CDAN1: variants seen among roughly 807,000 people sequenced by gnomAD.
CDAN1 encodes codanin 1, also known as codanin-1.
Under a neutral mutation model 139.8 loss-of-function variants are expected in CDAN1, and 107 were observed. The ratio of observed to expected loss-of-function variants is 0.77; its 90% CI spans 0.65 to 0.90. The LOEUF is 0.90. Ranked by LOEUF, CDAN1 falls within the 40% of genes least tolerant of loss-of-function variation. The probability of loss-of-function intolerance (pLI) is 0.00; values close to 1 mark genes in which losing one functional copy is unlikely to be tolerated. For synonymous variants in CDAN1, 776 were observed against 660.6 expected, an observed-to-expected ratio of 1.17 and a Z score of -2.68; for missense variants, 1,667 against 1,575.7, an observed-to-expected ratio of 1.06 and a Z score of -0.98.
rs200401359 is a variant in CDAN1 at position 42,728,680 on chromosome 15, C to T, written c.2776G>A (p.Gly926Arg). The change falls in exon 20 of 28, where the codon GGG becomes AGG. Residue 926 changes from glycine (G) to arginine (R), a missense_variant. Physicochemically the swap from Gly to Arg is moderately radical, Grantham distance 125. This residue lies in a region of CDAN1 where 936 missense variants were observed against 844.1 expected (regional missense o/e 1.11). Transcript: ENST00000356231. ...EILCSQLCPH[G>R]AQALALGREF... ...CGCCCCAGGGCCAATGCCTGGGCCCCGTGAGGGCACAGCTGGGAACACAAG... is the reference window on the plus strand; with the variant it reads ...CGCCCCAGGGCCAATGCCTGGGCCCTGTGAGGGCACAGCTGGGAACACAAG... 319 of 1,614,174 alleles carry T rather than the reference C, an allele frequency of 2.0e-4. 1 individual carries two copies. The highest frequency in any genetic ancestry group is 1.6e-3 in the East Asian group (74 of 44,870).
Position 42,735,954 on chromosome 15 carries a change from C to G in CDAN1, c.694G>C (p.Asp232His), listed in dbSNP as rs1340507143. 1.9e-6 allele frequency: 3 copies of G among 1,614,152 alleles called. No individual in the cohort carries two copies. The East Asian group carries it at 6.7e-5, about 36-fold the overall frequency. The change falls in exon 3 of 28, where the codon GAC becomes CAC. Residue 232 changes from aspartate (D) to histidine (H), a missense_variant. Physicochemically the swap from Asp to His is moderately conservative, Grantham distance 81. Transcript: ENST00000356231. Reference protein sequence around the residue: ...CVPSSQPSALDTSPWGLGLPP... With the variant: ...CVPSSQPSALHTSPWGLGLPP... Reference sequence around the variant, plus strand: ...AGGCCAAGGCCCCAAGGGCTAGTGTCCAGGGCTGAGGGTTGGGAACTGGGG... The same window carrying G: ...AGGCCAAGGCCCCAAGGGCTAGTGTGCAGGGCTGAGGGTTGGGAACTGGGG...
At position 42,726,400 on chromosome 15, in the gene CDAN1, G is replaced by A. The variant is rs758940751; in HGVS notation, c.3114C>T (p.Ala1038=). 253 of 1,595,868 alleles carry A rather than the reference G, an allele frequency of 1.6e-4. No individual in the cohort carries two copies. Among genetic ancestry groups the A allele is most frequent in the East Asian group, 2.3e-4 (10 of 44,038 alleles). ...CCTCGTCAGGGTCCCGTGGCCCCAC[G>A]GCCAAGGAGAGCACGTCCTGTGAAG... ...ISEIKDVLSL[A]VGPRDPDEGV... is the part of the protein sequence containing the mutation. The change falls in exon 24 of 28, where the codon GCC becomes GCT. Residue 1038 remains alanine, a synonymous_variant. Transcript: ENST00000356231.
intron 17 of CDAN1, 90 bp from the exon 18 acceptor site, chr15:42,729,452 A>G (rs2061579794): frequency 6.2e-7 from 1 of 1,600,504 alleles, no homozygotes; most frequent in South Asian, 1.1e-5. Flanking sequence ...AGAGGCTCAG[A>G]TACCCAGGAA....
At chr15:42,726,039 C>T (rs2061522359) in intron 25 of CDAN1, 58 bp downstream of exon 25, 6 of 1,426,268 alleles carry the variant, frequency 4.2e-6, no homozygotes, top group Non-Finnish European at 5.9e-6. Flanking sequence ...TTGCTTGTAC[C>T]CAACCCTGAG....
chr15:42,733,243 G>T, intron 8 of CDAN1, 57 bp from the exon 9 acceptor site: 1 of 1,431,166 alleles, frequency 7.0e-7, no homozygotes. Context: ...GTGCCTTCCT[G>T]CCCCTGGAAG....
At chr15:42,729,206 G>T in intron 18 of CDAN1, 23 bp downstream of exon 18, 3 of 723,388 alleles carry the variant, frequency 4.1e-6, no homozygotes, top group Non-Finnish European at 6.7e-6. Flanking sequence ...TTTTCCCCAC[G>T]GCTGTCTCCG....
Position 42,729,890 on chromosome 15 carries a change from C to CA in CDAN1, c.2263-6dup. The stretch of plus-strand genomic sequence containing the variant: ...GTCCTCAGGGACTGTGGGAATCTGG[C>CA]AAGACAGTCACAATTCAGGTCAACT... On this transcript the variant is annotated splice_polypyrimidine_tract_variant and splice_region_variant and intron_variant, in intron 15 of 27. Transcript: ENST00000356231. The CA allele has an allele frequency of 6.2e-7, 1 of 1,610,432 alleles. No homozygotes were observed.
rs772157159 is a variant in CDAN1 at position 42,736,683 on chromosome 15, C to G, written c.188G>C (p.Arg63Pro). 2 of 1,549,634 alleles carry G rather than the reference C, an allele frequency of 1.3e-6. 1 individual carries two copies. The change falls in exon 2 of 28, where the codon CGC becomes CCC. Residue 63 changes from arginine (R) to proline (P), a missense_variant. By Grantham distance (103) the Arg-to-Pro change is moderately radical (BLOSUM62 -2). Around this residue, in one of 3 missense-constraint regions of CDAN1, gnomAD observed 487 missense variants for 422.2 expected, o/e 1.15. Transcript: ENST00000356231. ...LLNFLREQSS[R>P]VLPQGPPTPA... ...GGTCGGGGGCCCCTGCGGGAGGACG[C>G]GGCTGCTCTGCTCCCTCAGGAAGTT...
chr15:42,725,443 T>C (rs1566978325), intron 26 of CDAN1, 46 bp downstream of exon 26: 3 of 1,609,732 alleles, frequency 1.9e-6, no homozygotes, highest in Non-Finnish European at 1.7e-6. Context: ...GGGTGGTGGA[T>C]GTTCAGAGTG....
At chr15:42,735,821 T>C in intron 3 of CDAN1, 54 bp downstream of exon 3, 1 of 1,604,260 alleles carries the variant, frequency 6.2e-7, no homozygotes, top group Non-Finnish European at 8.5e-7. Flanking sequence ...GGAAAACCCC[T>C]GAAGATCCCC....
intron 15 of CDAN1, 34 bp downstream of exon 15, chr15:42,730,094 A>G (rs1267807576): frequency 1.3e-6 from 2 of 1,583,752 alleles, no homozygotes; most frequent in Non-Finnish European, 8.7e-7. Context: ...CAGCTGTAGA[A>G]CCTCTCTCCA....
intron 12 of CDAN1, 43 bp from the exon 13 acceptor site, chr15:42,731,114 TC>T: frequency 6.2e-7 from 1 of 1,614,230 alleles, no homozygotes; most frequent in Non-Finnish European, 8.5e-7. Context: ...GCATGAGGCT[TC>T]CAGAACAATT....
At position 42,736,702 on chromosome 15, in the gene CDAN1, G is replaced by A; in HGVS notation, c.169C>T (p.Leu57=). 6.4e-7 allele frequency: 1 copy of A among 1,557,848 alleles called. No individual in the cohort carries two copies. Among genetic ancestry groups the A allele is most frequent in the Non-Finnish European group, 8.7e-7 (1 of 1,155,354 alleles). The change falls in exon 2 of 28, where the codon CTG becomes TTG. Residue 57 remains leucine (L), a synonymous_variant. Coordinates refer to ENST00000356231, the MANE Select transcript of CDAN1 (RefSeq NM_138477.4). ...KEFVPFLLNF[L]REQSSRVLPQ... ...AGGACGCGGCTGCTCTGCTCCCTCA[G>A]GAAGTTCAACAGGAACGGTACGAAT... is the stretch of plus-strand genomic sequence containing the variant.
At chr15:42,727,862 C>T in intron 22 of CDAN1, 93 bp from the exon 23 acceptor site, 2 of 1,602,970 alleles carry the variant, frequency 1.2e-6, no homozygotes, top group Non-Finnish European at 1.7e-6. Flanking sequence ...TTCCTACTGG[C>T]TCTCAGTCCC....
In CDAN1 at chr15:42,735,392, G is replaced by T. The variant is rs1196301898; in HGVS notation, c.944-18C>A. 6.3e-7 allele frequency: 1 copy of T among 1,594,662 alleles called. No individual in the cohort carries two copies. The highest frequency in any genetic ancestry group is 2.3e-5 in the East Asian group (1 of 44,280). ...CAGGTTCTCTAGATAGATACAAAAA[G>T]AAAGCCCATGGTATGGGCACCATTT... is the stretch of plus-strand genomic sequence containing the variant. On this transcript the variant is annotated intron_variant, in intron 4 of 27. Transcript: ENST00000356231.
At position 42,735,247 on chromosome 15, in the gene CDAN1, G is replaced by A; in HGVS notation, c.1057+14C>T. The A allele has an allele frequency of 6.2e-7, 1 of 1,602,344 alleles. No homozygotes were observed. The highest frequency in any genetic ancestry group is 1.1e-5 in the South Asian group (1 of 89,792). ...TCTAGACCCCATGTCTCAAAAGGAGGCTTGCTCACTGACCTAGGACAGCTG... is the reference window on the plus strand; with the variant it reads ...TCTAGACCCCATGTCTCAAAAGGAGACTTGCTCACTGACCTAGGACAGCTG... On this transcript the variant is annotated intron_variant, in intron 5 of 27. Coordinates refer to ENST00000356231, the MANE Select transcript of CDAN1 (RefSeq NM_138477.4).
Position 42,725,504 on chromosome 15 carries a change from G to T in CDAN1, c.3435C>A (p.Asp1145Glu). Residue 1145 changes from aspartate to glutamate, a missense_variant, in exon 26 of 28, where the codon GAC becomes GAA. Transcript: ENST00000356231. Reference sequence around the variant, plus strand: ...TCTGACTCACCTCCCTTGGCCTTGTGTCTGCCAGAAGCCCCACATTTCTTG... The same window carrying T: ...TCTGACTCACCTCCCTTGGCCTTGTTTCTGCCAGAAGCCCCACATTTCTTG... Reference protein sequence around the residue: ...LSPRNVGLLADTRPREWDLLL... With the variant: ...LSPRNVGLLAETRPREWDLLL... 1 of 1,614,214 alleles carries T rather than the reference G, an allele frequency of 6.2e-7. No individual in the cohort carries two copies. The highest frequency in any genetic ancestry group is 8.5e-7 in the Non-Finnish European group (1 of 1,180,036).
intron 27 of CDAN1, 190 bp from the exon 28 acceptor site, chr15:42,724,806 C>G (rs2061501114): frequency 1.4e-6 from 1 of 735,906 alleles, no homozygotes; most frequent in African/African-American, 1.7e-5. Context: ...AGGGAGCGAA[C>G]TCTGATGGAG....
At chr15:42,726,733 G>T in intron 23 of CDAN1, 1 of 431,256 alleles carries the variant, frequency 2.3e-6, no homozygotes, top group Non-Finnish European at 4.2e-6. Flanking sequence ...TATTCTTGAA[G>T]CATGTAAGGA....
Sources: gnomAD v4.1 joint callset for allele counts on GRCh38, gnomAD v4.1.1 for gene constraint, gnomAD v4.1.1 regional missense constraint, MANE v1.5 for transcripts, NCBI Gene and HGNC (gene_info 2026-07-23, HGNC 2026-07-21) for gene names.